ZNF385D: variants seen among roughly 807,000 people sequenced by gnomAD.
ZNF385D encodes the protein zinc finger protein 385D, also known as zinc finger protein 659.
A neutral mutation model predicts 35.8 loss-of-function variants in ZNF385D; 15 were observed. The observed-to-expected ratio is 0.42, with a 90% confidence interval of 0.28 to 0.64. The LOEUF (loss-of-function observed/expected upper bound fraction) is 0.64. Among genes scored for constraint, ZNF385D ranks in the 30% least tolerant of loss-of-function variants. The probability of loss-of-function intolerance (pLI) is 0.23; values close to 1 mark genes in which losing one functional copy is unlikely to be tolerated. For missense variants in ZNF385D, 474 were observed against 494.6 expected (o/e 0.96, Z 0.39); for synonymous variants, 212 against 186.8 (o/e 1.13, Z -1.10).
At chr3:21,905,205 CAAAAAAAAA>C (rs63147760) in intron 3 of ZNF385D, among the ~76,000 whole-genome samples, 1 of 69,730 alleles carries the variant, frequency 1.4e-5, no homozygotes, top group African/African-American at 5.7e-5. Context: ...ACAAAAAATC[CAAAAAAAAA>C]AAAAAAAAAA....
At position 21,851,782 on chromosome 3, in the gene ZNF385D, T is replaced by C. The variant is rs140031236; in HGVS notation, c.326-186754A>G. Among the ~76,000 whole-genome samples, 1,356 of 152,132 alleles carry C rather than the reference T, an allele frequency of 8.9e-3. 27 individuals carry two copies. The highest frequency in any genetic ancestry group is 0.031 in the African/African-American group (1,286 of 41,548). On this transcript the variant is annotated intron_variant, in intron 3 of 5. Transcript: ENST00000494108. ...CTCAACTATGAGGCCAGTCAGTCTG[T>C]AGTCTCTCATTTTATCCTTCTACTT...
At chr3:22,263,042 G>T (rs1385998214) in intron 2 of ZNF385D, among the ~76,000 whole-genome samples, 1 of 151,900 alleles carries the variant, frequency 6.6e-6, no homozygotes, top group Non-Finnish European at 1.5e-5. Context: ...TCCACCTCCA[G>T]TATCATCACC....
chr3:22,299,688 T>A (rs1295496860), intron 2 of ZNF385D, among the ~76,000 whole-genome samples: 1 of 151,448 alleles, frequency 6.6e-6, no homozygotes, highest in Non-Finnish European at 1.5e-5. Context: ...ACAAACTCTC[T>A]GAAAAAGAAA....
intron 2 of ZNF385D, among the ~76,000 whole-genome samples, chr3:21,573,750 T>C (rs1478067): frequency 0.69 from 105,210 of 152,024 alleles, 37,584 homozygotes; most frequent in African/African-American, 0.88. Context: ...TAGAATCATA[T>C]CACTTTATAA....
Position 22,238,313 on chromosome 3 carries a change from A to T in ZNF385D, c.107-69278T>A, listed in dbSNP as rs981852348. On this transcript the variant is annotated intron_variant, in intron 2 of 5. Transcript: ENST00000494108. Reference sequence around the variant, plus strand: ...TATTGGGGGTCCCTTGCATTTCCATATGAATTTTAAGATTAGCTTGTCCAT... The same window carrying T: ...TATTGGGGGTCCCTTGCATTTCCATTTGAATTTTAAGATTAGCTTGTCCAT... Among the ~76,000 whole-genome samples the T allele has an allele frequency of 4.6e-5, 7 of 151,026 alleles. 1 individual carries two copies. The highest frequency in any genetic ancestry group is 7.4e-5 in the Non-Finnish European group (5 of 67,940).
chr3:21,856,780 G>T (rs984556628), intron 3 of ZNF385D, among the ~76,000 whole-genome samples: 1 of 151,990 alleles, frequency 6.6e-6, no homozygotes, highest in African/African-American at 2.4e-5. Context: ...GGAACAACCA[G>T]CTCATAGGTG....
chr3:21,958,995 C>G (rs1176746137), intron 3 of ZNF385D: 1 of 152,142 alleles, frequency 6.6e-6, no homozygotes, highest in Non-Finnish European at 1.5e-5. Context: ...TACAAGATAA[C>G]ATCTACTGGG....
At chr3:21,683,930 T>C (rs994049660) in intron 1 of ZNF385D, among the ~76,000 whole-genome samples, 3 of 150,306 alleles carry the variant, frequency 2.0e-5, no homozygotes, top group South Asian at 2.1e-4. Flanking sequence ...AACATCTTCA[T>C]TTCAGCCCTA....
At chr3:22,329,754 A>C (rs181920714) in intron 2 of ZNF385D, among the ~76,000 whole-genome samples, 2 of 152,152 alleles carry the variant, frequency 1.3e-5, no homozygotes, top group African/African-American at 4.8e-5. Context: ...CCACAGGAAG[A>C]AGTACAAAGA....
intron 3 of ZNF385D, among the ~76,000 whole-genome samples, chr3:22,136,439 C>A (rs1032631144): frequency 6.6e-6 from 1 of 151,280 alleles, no homozygotes; most frequent in African/African-American, 2.4e-5. Flanking sequence ...AAAACCCTTT[C>A]TCAGTTAAAC....
At chr3:22,060,172 A>C (rs1470072750) in intron 3 of ZNF385D, among the ~76,000 whole-genome samples, 1 of 152,172 alleles carries the variant, frequency 6.6e-6, no homozygotes, top group Non-Finnish European at 1.5e-5. Flanking sequence ...ACTAAATTAC[A>C]AGACTGGCTT....
chr3:21,421,393 G>T lies in ZNF385D; in HGVS notation c.1009C>A (p.Pro337Thr). 1 of 1,613,706 alleles carries T rather than the reference G, an allele frequency of 6.2e-7. No individual in the cohort carries two copies. The highest frequency in any genetic ancestry group is 8.5e-7 in the Non-Finnish European group (1 of 1,179,806). ...GCTGCTGCAGCTGCTAGAGGATTTG[G>T]TAGAATTCGTGGAGCCAATGGCTTT... ...PSKPLAPRIL[P>T]NPLAAAAAAA... is the part of the protein sequence containing the mutation. The change falls in exon 8 of 8, where the codon CCA becomes ACA. Residue 337 changes from proline (P) to threonine (T), a missense_variant. Pro to Thr is a conservative substitution (Grantham distance 38, BLOSUM62 -1). Transcript: ENST00000281523.
chr3:22,057,457 G>A (rs1364775872), intron 3 of ZNF385D, among the ~76,000 whole-genome samples: 1 of 151,812 alleles, frequency 6.6e-6, no homozygotes, highest in Non-Finnish European at 1.5e-5. Flanking sequence ...AATTAAATTG[G>A]ATAAAAGCAG....
At chr3:21,650,756 A>G (rs553502390) in intron 2 of ZNF385D, among the ~76,000 whole-genome samples, 1 of 152,100 alleles carries the variant, frequency 6.6e-6, no homozygotes, top group Non-Finnish European at 1.5e-5. Context: ...GTTTAACACA[A>G]GCATTGAGAT....
chr3:22,314,913 G>A (rs988667383), intron 2 of ZNF385D, among the ~76,000 whole-genome samples: 2 of 152,138 alleles, frequency 1.3e-5, no homozygotes, highest in African/African-American at 4.8e-5. Context: ...ATGGAAATGT[G>A]TAGTACTATG....
intron 4 of ZNF385D, among the ~76,000 whole-genome samples, chr3:21,449,179 G>C (rs1437528258): frequency 6.6e-6 from 1 of 151,310 alleles, no homozygotes; most frequent in Non-Finnish European, 1.5e-5. Context: ...TATTAATAAA[G>C]TATGCTAAGA....
At chr3:22,185,529 G>A (rs944802495) in intron 2 of ZNF385D, among the ~76,000 whole-genome samples, 1 of 152,108 alleles carries the variant, frequency 6.6e-6, no homozygotes, top group Non-Finnish European at 1.5e-5. Context: ...GGAGTGCAGT[G>A]CGATCTTGGC....
At chr3:21,425,759 G>C in intron 5 of ZNF385D, 89 bp from the exon 6 acceptor site, 1 of 1,238,688 alleles carries the variant, frequency 8.1e-7, no homozygotes, top group Non-Finnish European at 1.1e-6. Flanking sequence ...AAAAATCTTA[G>C]CTAGTATATA....
intron 4 of ZNF385D, among the ~76,000 whole-genome samples, chr3:21,456,428 CCTTTGTAGGGA>C (rs1368826901): frequency 1.3e-4 from 20 of 152,238 alleles, no homozygotes; most frequent in African/African-American, 4.3e-4. Flanking sequence ...GAGTTCATGT[CCTTTGTAGGGA>C]CATGGATGAA....
Sources: allele counts gnomAD v4.1 joint callset (sites outside exome capture counted in the v4.1 genomes callset), GRCh38; gene constraint gnomAD v4.1.1; transcripts MANE v1.5; gene names NCBI Gene and HGNC (gene_info 2026-07-23, HGNC 2026-07-21).